NF1: variants seen among roughly 807,000 people sequenced by gnomAD.
NF1 encodes neurofibromin 1, also known as neurofibromin.
In NF1, 122 loss-of-function variants were observed where a neutral mutation model predicts 325.7. That is an observed-to-expected ratio of 0.37 (90% CI 0.32 to 0.44). The LOEUF (loss-of-function observed/expected upper bound fraction) is 0.44. Among genes scored for constraint, NF1 ranks in the 20% least tolerant of loss-of-function variants. NF1 has a pLI of 1.00. For missense variants in NF1, 2,140 were observed against 3,415.4 expected (o/e 0.63, Z 9.31); for synonymous variants, 1,091 against 1,186.0 (o/e 0.92, Z 1.65).
intron 1 of NF1, among the ~76,000 whole-genome samples, chr17:31,155,583 T>G (rs2065645965): frequency 1.3e-5 from 2 of 152,238 alleles, no homozygotes; most frequent in South Asian, 4.1e-4. Flanking sequence ...GTTGTATGCA[T>G]TTTATTGCAG....
At chr17:31,114,656 C>T (rs1006010865) in intron 1 of NF1, among the ~76,000 whole-genome samples, 1 of 151,834 alleles carries the variant, frequency 6.6e-6, no homozygotes, top group African/African-American at 2.4e-5. Context: ...GAGTTTGAGA[C>T]CAGCCTGGCC....
At chr17:31,218,033 C>A (rs533574116) in intron 13 of NF1, among the ~76,000 whole-genome samples, 1 of 151,886 alleles carries the variant, frequency 6.6e-6, no homozygotes, top group Non-Finnish European at 1.5e-5. Flanking sequence ...TGAAAAGGAC[C>A]GAAGTATGGG....
At chr17:31,216,648 T>C (rs1291262652) in intron 13 of NF1, among the ~76,000 whole-genome samples, 1 of 152,098 alleles carries the variant, frequency 6.6e-6, no homozygotes, top group Admixed American at 6.5e-5. Flanking sequence ...CAAATCTTAT[T>C]ATGCCCCCTC....
intron 29 of NF1, among the ~76,000 whole-genome samples, chr17:31,245,910 A>G (rs1461474119): frequency 6.6e-6 from 1 of 152,154 alleles, no homozygotes; most frequent in Non-Finnish European, 1.5e-5. Flanking sequence ...CTCTAATCGA[A>G]ACTTGGTCTT....
At chr17:31,160,440 G>T (rs1234998347) in intron 3 of NF1, among the ~76,000 whole-genome samples, 2 of 152,178 alleles carry the variant, frequency 1.3e-5, no homozygotes, top group East Asian at 1.9e-4. Context: ...TTCCAAAATT[G>T]TGGAGACAGT....
chr17:31,233,747 G>A (rs566249915), intron 27 of NF1, among the ~76,000 whole-genome samples: 67 of 152,182 alleles, frequency 4.4e-4, no homozygotes, highest in Non-Finnish European at 8.2e-4. Flanking sequence ...ATGCTAAAAC[G>A]TTGAGACGGG....
At chr17:31,364,157 A>T (rs984784940) in intron 57 of NF1, among the ~76,000 whole-genome samples, 9 of 152,300 alleles carry the variant, frequency 5.9e-5, no homozygotes, top group African/African-American at 1.4e-4. Context: ...AGAAACCAAA[A>T]CATTTCCTTA....
chr17:31,302,958 G>C (rs1176346158), intron 36 of NF1, among the ~76,000 whole-genome samples: 1 of 152,116 alleles, frequency 6.6e-6, no homozygotes, highest in African/African-American at 2.4e-5. Flanking sequence ...AGAAGCTCAA[G>C]GAAGTGTTTC....
chr17:31,203,929 C>G (rs887521624), intron 11 of NF1, among the ~76,000 whole-genome samples: 12 of 152,026 alleles, frequency 7.9e-5, no homozygotes, highest in Non-Finnish European at 1.5e-4. Flanking sequence ...CTAAAATATT[C>G]TAGTGTTTCT....
At chr17:31,294,597 T>C (rs2068421257) in intron 36 of NF1, 2 of 192,868 alleles carry the variant, frequency 1.0e-5, no homozygotes, top group African/African-American at 4.8e-5. Context: ...AATGGTGAGG[T>C]CATTTTGATT....
intron 9 of NF1, 27 bp from the exon 10 acceptor site, chr17:31,201,009 CT>C (rs1322888361): frequency 1.2e-6 from 2 of 1,612,150 alleles, no homozygotes; most frequent in Non-Finnish European, 8.5e-7. Flanking sequence ...TATTTAAAGG[CT>C]TTTGTTTTCT....
chr17:31,147,925 T>C (rs1916688460), intron 1 of NF1, among the ~76,000 whole-genome samples: 2 of 152,242 alleles, frequency 1.3e-5, no homozygotes, highest in Non-Finnish European at 1.5e-5. Flanking sequence ...GAATCTCTGA[T>C]GGTTTCTTCT....
rs561153858 is a variant in NF1 at position 31,343,966 on chromosome 17, A to G, written c.7189+831A>G. Among the ~76,000 whole-genome samples the G allele has an allele frequency of 4.6e-5, 7 of 152,158 alleles. No individual in the cohort carries two copies. The South Asian group carries it at 8.3e-4, about 18-fold the overall frequency. The stretch of plus-strand genomic sequence containing the variant: ...GTGAGACCCTGCCTTTAAAAAAAAA[A>G]AAAAAAAAGTGTTGATTCTTACAAA... On this transcript the variant is annotated intron_variant, in intron 48 of 57. Coordinates refer to ENST00000358273, the MANE Select transcript of NF1 (RefSeq NM_001042492.3).
chr17:31,305,091 A>T (rs760159568), intron 36 of NF1: 1 of 1,613,968 alleles, frequency 6.2e-7, no homozygotes, highest in African/African-American at 1.3e-5. Context: ...AATTTTTGAC[A>T]GTTGATGTTG....
At chr17:31,189,293 G>A (rs2066296650) in intron 8 of NF1, among the ~76,000 whole-genome samples, 1 of 151,510 alleles carries the variant, frequency 6.6e-6, no homozygotes, top group Non-Finnish European at 1.5e-5. Flanking sequence ...TTTAAAATTT[G>A]CATGTAGTCA....
Position 31,352,276 on chromosome 17 carries a change from C to T in NF1, c.7477C>T (p.Pro2493Ser), listed in dbSNP as rs2070167112. 1 of 1,614,022 alleles carries T rather than the reference C, an allele frequency of 6.2e-7. No homozygotes were observed. The highest frequency in any genetic ancestry group is 8.5e-7 in the Non-Finnish European group (1 of 1,179,952). ...TTTCAGGACACTAAAGGAGACTCAG[C>T]CATGGTCCTCTCCCAAAGGTTCTGA... ...PSYRTLKETQ[P>S]WSSPKGSEGY... Residue 2493 changes from proline (P) to serine (S), a missense_variant, in exon 51 of 58, where the codon CCA (proline) becomes TCA (serine). Coordinates refer to ENST00000358273, the MANE Select transcript of NF1 (RefSeq NM_001042492.3).
chr17:31,108,302 T>A, intron 1 of NF1, among the ~76,000 whole-genome samples: 2 of 127,768 alleles, frequency 1.6e-5, no homozygotes, highest in African/African-American at 3.2e-5. Context: ...TGAGACAGAG[T>A]CTCACTCTAT....
intron 36 of NF1, among the ~76,000 whole-genome samples, chr17:31,285,484 A>G (rs1218671690): frequency 1.3e-5 from 2 of 152,240 alleles, no homozygotes; most frequent in East Asian, 3.9e-4. Flanking sequence ...AATGTGGAAA[A>G]TCTCATACTT....
intron 29 of NF1, among the ~76,000 whole-genome samples, chr17:31,242,257 C>T (rs1412647809): frequency 1.4e-5 from 2 of 147,900 alleles, no homozygotes; most frequent in African/African-American, 5.0e-5. Context: ...TGTAACCTTC[C>T]TGGACTTGAA....
Sources: allele counts gnomAD v4.1 joint callset (sites outside exome capture counted in the v4.1 genomes callset), GRCh38; gene constraint gnomAD v4.1.1; transcripts MANE v1.5; gene names NCBI Gene and HGNC (gene_info 2026-07-23, HGNC 2026-07-21).